The following RNF38 variants were observed in gnomAD, a reference collection of about 807,000 sequenced individuals.
RNF38 encodes the protein ring finger protein 38.
In RNF38, 15 loss-of-function variants were observed where a neutral mutation model predicts 67.2. The ratio of observed to expected loss-of-function variants is 0.22; its 90% CI spans 0.15 to 0.34. The LOEUF (loss-of-function observed/expected upper bound fraction) is 0.34, where lower values mean the gene tolerates loss of function less well. RNF38 is among the 10% of genes least tolerant of loss of function. RNF38 has a pLI of 1.00. For synonymous variants in RNF38, 220 were observed against 218.8 expected, an observed-to-expected ratio of 1.01 and a Z score of -0.05; for missense variants, 524 against 639.9, an observed-to-expected ratio of 0.82 and a Z score of 1.95.
At position 36,365,790 on chromosome 9, in the gene RNF38, C is replaced by T. The variant is rs572243547; in HGVS notation, c.570+3929G>A. 1.5e-3 allele frequency among the ~76,000 whole-genome samples: 233 copies of T among 150,914 alleles called. 1 individual carries two copies. Among genetic ancestry groups the T allele is most frequent in the Middle Eastern group, 3.4e-3 (1 of 292 alleles). On this transcript the variant is annotated intron_variant, in intron 4 of 11. Transcript: ENST00000259605. ...AAGCAATTCTCCTGCCTCAGCCTCT[C>T]GAACAGCTGGGACTACAGGTGCGCG...
chr9:36,411,567 AT>A (rs1247034202), intron 2 of RNF38, among the ~76,000 whole-genome samples: 1 of 151,858 alleles, frequency 6.6e-6, no homozygotes, highest in Non-Finnish European at 1.5e-5. Flanking sequence ...TTACAATGAC[AT>A]TTTTTTTCCT....
intron 1 of RNF38, among the ~76,000 whole-genome samples, chr9:36,485,897 G>A (rs540267602): frequency 4.8e-4 from 73 of 152,242 alleles, no homozygotes; most frequent in Non-Finnish European, 5.9e-5. Flanking sequence ...GGGGGAGGGG[G>A]TGCTCAAGCT....
In RNF38 at chr9:36,338,460, C is replaced by T. The variant is rs954088063; in HGVS notation, c.*1292G>A. On this transcript the variant is annotated 3_prime_UTR_variant, in exon 12 of 12. Transcript: ENST00000259605. ...GTCTAAGGAACATGAGCTGTAACAG[C>T]ACTTGATCCATCCTGAAACCAGGGT... 6.6e-6 allele frequency: 1 copy of T among 152,174 alleles called. No individual in the cohort carries two copies. Among genetic ancestry groups the T allele is most frequent in the Non-Finnish European group, 1.5e-5 (1 of 68,038 alleles). 9.4% of individuals were successfully genotyped at this position (152,174 alleles called of 1,614,324 possible). A position where few individuals can be genotyped will look rare whatever the true frequency, so the allele number is the denominator to read the frequency against.
Position 36,351,204 on chromosome 9 carries a change from A to T in RNF38, c.1179-5T>A. 1.2e-6 allele frequency: 2 copies of T among 1,604,752 alleles called. No individual in the cohort carries two copies. Among genetic ancestry groups the T allele is most frequent in the Non-Finnish European group, 1.7e-6 (2 of 1,172,882 alleles). ...GGTGGCACTGGAAGCATTGATCTGC[A>T]GTGAAAACAATCACACTAGCATTGA... On this transcript the variant is annotated splice_region_variant and splice_polypyrimidine_tract_variant and intron_variant, in intron 8 of 11. Coordinates refer to ENST00000259605, the MANE Select transcript of RNF38 (RefSeq NM_022781.5).
rs753553953 is a variant in RNF38, at chr9:36,353,241, T to C, written c.1000A>G (p.Thr334Ala). Residue 334 changes from threonine to alanine, a missense_variant, in exon 7 of 12, where the codon ACA (threonine) becomes GCA (alanine). Physicochemically the swap from Thr to Ala is moderately conservative, Grantham distance 58. Around this residue, in one of 2 missense-constraint regions of RNF38, gnomAD observed 461 missense variants for 517.4 expected, o/e 0.89. Transcript: ENST00000259605. ...FTYPPSAHPP[T>A]LPPSAPLQFL... Reference sequence around the variant, plus strand: ...TGCAAGGGAGCTGATGGAGGTAATGTTGGGGGGTGGGCTGATGGAGGGTAA... The same window carrying C: ...TGCAAGGGAGCTGATGGAGGTAATGCTGGGGGGTGGGCTGATGGAGGGTAA... The C allele has an allele frequency of 1.6e-5, 26 of 1,612,908 alleles. No homozygotes were observed. The highest frequency in any genetic ancestry group is 2.2e-5 in the East Asian group (1 of 44,868).
At chr9:36,487,649 C>G (rs1840454553), upstream of RNF38, 1 of 896,632 alleles carries the variant, frequency 1.1e-6, no homozygotes, top group African/African-American at 1.8e-5. Context: ...GCGGTGGCGG[C>G]GACGGAGGCG....
At chr9:36,361,165 T>C (rs559675607) in intron 4 of RNF38, among the ~76,000 whole-genome samples, 1 of 152,068 alleles carries the variant, frequency 6.6e-6, no homozygotes, top group African/African-American at 2.4e-5. Context: ...ATAGTCATTT[T>C]TTCCCCATAC....
intron 1 of RNF38, among the ~76,000 whole-genome samples, chr9:36,392,331 T>C (rs1056172379): frequency 6.6e-6 from 1 of 152,198 alleles, no homozygotes; most frequent in Non-Finnish European, 1.5e-5. Flanking sequence ...AATGTTCTGA[T>C]CTCTATACTA....
At chr9:36,487,075 C>A (rs890178937) in intron 1 of RNF38, among the ~76,000 whole-genome samples, 3 of 152,218 alleles carry the variant, frequency 2.0e-5, no homozygotes, top group Non-Finnish European at 2.9e-5. Context: ...CTAGAGAGGT[C>A]CTGCCCTGCA....
chr9:36,405,717 A>G (rs2134178952), upstream of RNF38, among the ~76,000 whole-genome samples: 2 of 151,884 alleles, frequency 1.3e-5, no homozygotes, highest in Middle Eastern at 3.4e-3. Flanking sequence ...ACTAAGGCAA[A>G]ACAACTGTAA....
chr9:36,446,770 T>C (rs1254731830), intron 1 of RNF38, among the ~76,000 whole-genome samples: 1 of 124,380 alleles, frequency 8.0e-6, no homozygotes, highest in East Asian at 2.7e-4. Context: ...ATTGCACCAC[T>C]GCACTTCAGC....
rs1055901107 is a variant in RNF38 at position 36,337,398 on chromosome 9, CCT to C, written c.*2352_*2353del. The C allele has an allele frequency of 6.5e-6, 1 of 152,784 alleles. No individual in the cohort carries two copies. Among genetic ancestry groups the C allele is most frequent in the African/African-American group, 2.4e-5 (1 of 41,420 alleles). The allele number at this position is 152,784 out of a possible 1,614,324, so 9.5% of individuals were successfully genotyped here. The stretch of plus-strand genomic sequence containing the variant: ...CTGCTGCCTCCTAAATTGCCAATTG[CCT>C]CTCAAAAACTTACAGAAAAAGGGAC... On this transcript the variant is annotated 3_prime_UTR_variant, in exon 12 of 12. Transcript: ENST00000259605.
intron 2 of RNF38, among the ~76,000 whole-genome samples, chr9:36,408,869 TAAGTGC>T: frequency 1.3e-5 from 2 of 152,320 alleles, no homozygotes; most frequent in East Asian, 3.9e-4. Flanking sequence ...TATACTTACA[TAAGTGC>T]TTCAAGAAAA....
At chr9:36,484,849 T>G (rs948067259) in intron 1 of RNF38, among the ~76,000 whole-genome samples, 1 of 152,196 alleles carries the variant, frequency 6.6e-6, no homozygotes, top group African/African-American at 2.4e-5. Context: ...AGCTGTAATA[T>G]TCAACTGTAT....
chr9:36,352,510 T>C (rs559650172), intron 8 of RNF38, among the ~76,000 whole-genome samples: 1 of 152,228 alleles, frequency 6.6e-6, no homozygotes, highest in Non-Finnish European at 1.5e-5. Context: ...CCTTTTCTGC[T>C]TCTTGATCTG....
At chr9:36,460,647 G>A (rs184003869) in intron 1 of RNF38, among the ~76,000 whole-genome samples, 1 of 152,074 alleles carries the variant, frequency 6.6e-6, no homozygotes, top group African/African-American at 2.4e-5. Flanking sequence ...CAGCACTTTG[G>A]GAGGCCAAGG....
At chr9:36,400,773 C>G (rs916281819), upstream of RNF38, 1 of 985,508 alleles carries the variant, frequency 1.0e-6, no homozygotes, top group African/African-American at 1.7e-5. Context: ...GACGGCTGCA[C>G]GCCCAGAGAT....
At chr9:36,457,297 T>C (rs537747031) in intron 1 of RNF38, among the ~76,000 whole-genome samples, 52 of 152,318 alleles carry the variant, frequency 3.4e-4, no homozygotes, top group African/African-American at 1.2e-3. Flanking sequence ...CCATACTGCA[T>C]ACAGGTAACA....
intron 3 of RNF38, among the ~76,000 whole-genome samples, chr9:36,373,726 C>T (rs1835568623): frequency 2.6e-5 from 4 of 152,000 alleles, no homozygotes; most frequent in South Asian, 2.1e-4. Context: ...CCGCCTGCCT[C>T]GGCCTCCCAA....
Sources: gnomAD v4.1 joint callset for allele counts (sites outside exome capture counted in the v4.1 genomes callset) on GRCh38, gnomAD v4.1.1 for gene constraint, gnomAD v4.1.1 regional missense constraint, MANE v1.5 for transcripts, NCBI Gene and HGNC (gene_info 2026-07-23, HGNC 2026-07-21) for gene names.